Variants in LRRC28 observed in about 807,000 individuals in gnomAD.
LRRC28 encodes the protein leucine rich repeat containing 28.
Under a neutral mutation model 45.7 loss-of-function variants are expected in LRRC28, and 39 were observed. The ratio of observed to expected loss-of-function variants is 0.85; its 90% CI spans 0.66 to 1.12. LRRC28 has a LOEUF of 1.12. Ranked by LOEUF, LRRC28 falls within the 50% of genes most tolerant of loss-of-function variation. The pLI is 0.00. For missense variants in LRRC28, 435 were observed against 438.5 expected (o/e 0.99, Z 0.07); for synonymous variants, 206 against 178.8 (o/e 1.15, Z -1.22).
intron 2 of LRRC28, among the ~76,000 whole-genome samples, chr15:99,270,802 C>T (rs1049897955): frequency 1.3e-5 from 2 of 152,160 alleles, no homozygotes; most frequent in East Asian, 3.8e-4. Flanking sequence ...AGCGGAATTA[C>T]AGGGTCATAC....
chr15:99,267,174 T>G (rs2081354022), intron 2 of LRRC28, among the ~76,000 whole-genome samples: 1 of 152,222 alleles, frequency 6.6e-6, no homozygotes, highest in Non-Finnish European at 1.5e-5. Flanking sequence ...ATGCATATGT[T>G]TATGCCATAT....
At chr15:99,383,228 T>C (rs1314714485) in intron 9 of LRRC28, among the ~76,000 whole-genome samples, 1 of 152,188 alleles carries the variant, frequency 6.6e-6, no homozygotes, top group African/African-American at 2.4e-5. Flanking sequence ...TGGAGCCAAT[T>C]GCATCTGTGC....
intron 9 of LRRC28, among the ~76,000 whole-genome samples, chr15:99,383,272 C>A (rs1186919545): frequency 6.6e-6 from 1 of 152,212 alleles, no homozygotes; most frequent in Admixed American, 6.5e-5. Flanking sequence ...GCTTCTACAG[C>A]ATCCTATTTA....
At chr15:99,266,547 T>C (rs2081338029) in intron 2 of LRRC28, among the ~76,000 whole-genome samples, 2 of 152,162 alleles carry the variant, frequency 1.3e-5, no homozygotes, top group African/African-American at 4.8e-5. Flanking sequence ...GAAGATACTG[T>C]CACATACTCC....
intron 9 of LRRC28, among the ~76,000 whole-genome samples, chr15:99,366,938 C>G (rs561220546): frequency 6.6e-6 from 1 of 152,246 alleles, no homozygotes; most frequent in Non-Finnish European, 1.5e-5. Context: ...GAATATAACA[C>G]TGAATGTTTC....
intron 3 of LRRC28, chr15:99,285,457 G>T: frequency 1.2e-6 from 1 of 847,280 alleles, no homozygotes; most frequent in Non-Finnish European, 2.0e-6. Flanking sequence ...CACACAGTCC[G>T]TGAGCGTTCC....
chr15:99,317,668 A>G (rs1955644728), intron 5 of LRRC28: 1 of 152,100 alleles, frequency 6.6e-6, no homozygotes, highest in African/African-American at 2.4e-5. Context: ...AATAATTCCT[A>G]TATTTTGCTA....
chr15:99,306,983 G>C (rs543860486), intron 5 of LRRC28, among the ~76,000 whole-genome samples: 17 of 152,290 alleles, frequency 1.1e-4, no homozygotes, highest in African/African-American at 4.1e-4. Context: ...TTAGCCTGCT[G>C]CTTTTCTCCT....
chr15:99,276,466 T>C, intron 2 of LRRC28, 110 bp from the exon 3 acceptor site: 1 of 742,348 alleles, frequency 1.3e-6, no homozygotes, highest in Non-Finnish European at 2.1e-6. Flanking sequence ...ATTTTCACAT[T>C]TTCTCAAAAT....
At chr15:99,359,167 C>T (rs1271638595) in intron 7 of LRRC28, among the ~76,000 whole-genome samples, 2 of 152,038 alleles carry the variant, frequency 1.3e-5, no homozygotes, top group Non-Finnish European at 2.9e-5. Context: ...GGGTAACCCT[C>T]TTAAGAAATT....
intron 3 of LRRC28, among the ~76,000 whole-genome samples, chr15:99,278,352 A>G (rs2081678320): frequency 6.6e-6 from 1 of 152,136 alleles, no homozygotes; most frequent in Non-Finnish European, 1.5e-5. Context: ...AGGTTCAAGC[A>G]ATTCTCCTGC....
chr15:99,267,934 A>G (rs1350060845), intron 2 of LRRC28, among the ~76,000 whole-genome samples: 4 of 152,152 alleles, frequency 2.6e-5, no homozygotes, highest in African/African-American at 9.7e-5. Context: ...AACTCTATTT[A>G]TGGAGTCATA....
At chr15:99,336,866 C>G (rs543173838) in intron 6 of LRRC28, among the ~76,000 whole-genome samples, 1 of 152,272 alleles carries the variant, frequency 6.6e-6, no homozygotes, top group South Asian at 2.1e-4. Context: ...TTTCTCTTGT[C>G]TTGGTTATTC....
At chr15:99,264,987 G>A (rs2081295475) in intron 2 of LRRC28, among the ~76,000 whole-genome samples, 1 of 152,162 alleles carries the variant, frequency 6.6e-6, no homozygotes, top group South Asian at 2.1e-4. Flanking sequence ...GGGAGAGAGA[G>A]GCAGTTGAGA....
chr15:99,266,211 G>T (rs6598231), intron 2 of LRRC28, among the ~76,000 whole-genome samples: 1 of 152,098 alleles, frequency 6.6e-6, no homozygotes, highest in Non-Finnish European at 1.5e-5. Context: ...TTTCTTTCCT[G>T]TTAGCCCAGG....
intron 3 of LRRC28, chr15:99,285,176 T>C: frequency 1.4e-6 from 1 of 726,378 alleles, no homozygotes; most frequent in Admixed American, 1.7e-5. Context: ...TCAGTCATGA[T>C]TTCAATCACT....
chr15:99,316,906 T>C (rs370161885), intron 5 of LRRC28, among the ~76,000 whole-genome samples: 1 of 151,968 alleles, frequency 6.6e-6, no homozygotes, highest in South Asian at 2.1e-4. Flanking sequence ...GGCATGATCA[T>C]AGCTCACTGC....
chr15:99,279,653 C>G (rs2081725868), intron 3 of LRRC28, among the ~76,000 whole-genome samples: 1 of 152,172 alleles, frequency 6.6e-6, no homozygotes. Flanking sequence ...GGGGTTAGGA[C>G]TAGAGCAAGC....
intron 7 of LRRC28, among the ~76,000 whole-genome samples, chr15:99,357,227 A>T (rs563079669): frequency 6.6e-6 from 1 of 152,268 alleles, no homozygotes; most frequent in East Asian, 1.9e-4. Flanking sequence ...CTCCCCTCTC[A>T]GTCTATTATA....
Sources: allele counts gnomAD v4.1 joint callset (sites outside exome capture counted in the v4.1 genomes callset), GRCh38; gene constraint gnomAD v4.1.1; transcripts MANE v1.5; gene names NCBI Gene and HGNC (gene_info 2026-07-23, HGNC 2026-07-21).